GABRB1: variants seen among roughly 807,000 people sequenced by gnomAD.
GABRB1 encodes gamma-aminobutyric acid receptor subunit beta-1.
GABRB1 carries 17 observed loss-of-function variants against 51.6 expected under a neutral mutation model. The ratio of observed to expected loss-of-function variants is 0.33; its 90% CI spans 0.23 to 0.49. GABRB1 has a LOEUF of 0.49. Ranked by LOEUF, GABRB1 falls within the 20% of genes least tolerant of loss-of-function variation. GABRB1 has a pLI of 0.99. For missense variants in GABRB1, 410 were observed against 600.6 expected (o/e 0.68, Z 3.32); for synonymous variants, 247 against 218.9 (o/e 1.13, Z -1.14).
intron 8 of GABRB1, among the ~76,000 whole-genome samples, chr4:47,414,732 A>G (rs957668648): frequency 9.9e-5 from 15 of 152,220 alleles, no homozygotes; most frequent in African/African-American, 3.6e-4. Context: ...TCTCCATGGT[A>G]AGTCACCCAA....
At chr4:47,353,742 C>A (rs1415198162) in intron 5 of GABRB1, among the ~76,000 whole-genome samples, 1 of 152,048 alleles carries the variant, frequency 6.6e-6, no homozygotes, top group Non-Finnish European at 1.5e-5. Context: ...AACAGCAGTC[C>A]CTTATCACCT....
chr4:46,997,042 G>C (rs79901819), intron 1 of GABRB1, among the ~76,000 whole-genome samples: 2 of 151,996 alleles, frequency 1.3e-5, no homozygotes, highest in African/African-American at 4.8e-5. Flanking sequence ...TCTGTCCCTC[G>C]TATTTTGCAT....
intron 4 of GABRB1, among the ~76,000 whole-genome samples, chr4:47,211,654 A>G (rs1720364907): frequency 1.3e-5 from 2 of 152,204 alleles, no homozygotes; most frequent in African/African-American, 4.8e-5. Flanking sequence ...TGTGGCTTAA[A>G]TAACACACAT....
In GABRB1 at chr4:47,200,094, A is replaced by G. The variant is rs150801231; in HGVS notation, c.461+38625A>G. On this transcript the variant is annotated intron_variant, in intron 4 of 8. Coordinates refer to ENST00000295454, the MANE Select transcript of GABRB1 (RefSeq NM_000812.4). ...AAAGGAGTGATCATAATGTCTGAGCATAGAATTGAAGCTGGGCATAGAGGG... is the reference window on the plus strand; with the variant it reads ...AAAGGAGTGATCATAATGTCTGAGCGTAGAATTGAAGCTGGGCATAGAGGG... Among the ~76,000 whole-genome samples, 421 of 152,332 alleles carry G rather than the reference A, an allele frequency of 2.8e-3. 3 individuals are homozygous for G. Among genetic ancestry groups the G allele is most frequent in the African/African-American group, 9.1e-3 (378 of 41,580 alleles).
Position 47,403,472 on chromosome 4 carries a change from C to G in GABRB1, c.682+17C>G. 1 of 1,613,664 alleles carries G rather than the reference C, an allele frequency of 6.2e-7. No individual in the cohort carries two copies. The highest frequency in any genetic ancestry group is 8.5e-7 in the Non-Finnish European group (1 of 1,179,776). ...TCACAACAGGTGAGGTTGTTTCCCC[C>G]AAAATGTACTAGGGGTGCTGTGAAA... On this transcript the variant is annotated intron_variant, in intron 6 of 8. Transcript: ENST00000295454.
intron 3 of GABRB1, among the ~76,000 whole-genome samples, chr4:47,060,564 T>A (rs970435401): frequency 1.3e-5 from 2 of 152,198 alleles, no homozygotes; most frequent in Non-Finnish European, 2.9e-5. Context: ...TGCAGTATGA[T>A]AGAAAGCATA....
chr4:47,143,232 A>G (rs1442567572), intron 3 of GABRB1, among the ~76,000 whole-genome samples: 6 of 151,840 alleles, frequency 4.0e-5, no homozygotes, highest in Admixed American at 6.6e-5. Context: ...GGTATCATCA[A>G]AAAGAATTCC....
chr4:47,290,981 A>G (rs1413776644), intron 4 of GABRB1, among the ~76,000 whole-genome samples: 3 of 152,236 alleles, frequency 2.0e-5, no homozygotes, highest in East Asian at 1.9e-4. Context: ...AGAAATTTGC[A>G]TAAGTAAGGA....
At chr4:47,283,144 A>G (rs1014593476) in intron 4 of GABRB1, among the ~76,000 whole-genome samples, 6 of 152,162 alleles carry the variant, frequency 3.9e-5, no homozygotes, top group Non-Finnish European at 8.8e-5. Context: ...TGGAGAAACT[A>G]TGAGAAAAGG....
At chr4:47,300,074 A>G (rs1054318658) in intron 4 of GABRB1, among the ~76,000 whole-genome samples, 1 of 113,508 alleles carries the variant, frequency 8.8e-6, no homozygotes, top group African/African-American at 3.4e-5. Context: ...GGAACATCAC[A>G]TTCTGGGGAC....
At position 47,115,718 on chromosome 4, in the gene GABRB1, A is replaced by AT. The variant is rs140145070; in HGVS notation, c.241-45530dup. Among the ~76,000 whole-genome samples, 716 of 141,562 alleles carry AT rather than the reference A, an allele frequency of 5.1e-3. 8 individuals carry two copies. The highest frequency in any genetic ancestry group is 0.017 in the African/African-American group (688 of 40,730). 92.9% of individuals were successfully genotyped at this position (141,562 alleles called of 152,430 possible). ...ACTGGTAAAGGCTTTTTCTAACACA[A>AT]TAAGATTTTTAAATAAAACATATGT... On this transcript the variant is annotated intron_variant, in intron 3 of 8. Coordinates refer to ENST00000295454, the MANE Select transcript of GABRB1 (RefSeq NM_000812.4).
intron 4 of GABRB1, among the ~76,000 whole-genome samples, chr4:47,257,006 C>T (rs920425475): frequency 1.3e-5 from 2 of 152,190 alleles, no homozygotes; most frequent in African/African-American, 2.4e-5. Flanking sequence ...CTTGCCACTT[C>T]ATATCCACTC....
intron 5 of GABRB1, among the ~76,000 whole-genome samples, chr4:47,384,385 T>A (rs1727706674): frequency 6.6e-6 from 1 of 151,180 alleles, no homozygotes; most frequent in African/African-American, 2.4e-5. Context: ...TCATCAGAAT[T>A]TCTCAGTGAA....
intron 4 of GABRB1, among the ~76,000 whole-genome samples, chr4:47,306,082 A>T (rs1171904943): frequency 2.0e-5 from 3 of 152,076 alleles, no homozygotes; most frequent in Non-Finnish European, 4.4e-5. Context: ...ATCAAACTGG[A>T]AAGTAACAGA....
intron 8 of GABRB1, among the ~76,000 whole-genome samples, chr4:47,410,818 C>T (rs1026753074): frequency 1.3e-5 from 2 of 152,024 alleles, no homozygotes; most frequent in Non-Finnish European, 2.9e-5. Flanking sequence ...ATTAGGTTTT[C>T]CATAAAAATC....
chr4:47,067,510 CT>C (rs1727140183), intron 3 of GABRB1, among the ~76,000 whole-genome samples: 1 of 152,146 alleles, frequency 6.6e-6, no homozygotes, highest in African/African-American at 2.4e-5. Flanking sequence ...TTAGCTGAAT[CT>C]TCTGGATGAC....
At chr4:47,116,643 G>C (rs1715492240) in intron 3 of GABRB1, among the ~76,000 whole-genome samples, 1 of 152,078 alleles carries the variant, frequency 6.6e-6, no homozygotes, top group African/African-American at 2.4e-5. Context: ...TGGGATTTCT[G>C]ATTAGATACT....
chr4:47,117,025 C>G (rs114855143), intron 3 of GABRB1, among the ~76,000 whole-genome samples: 3 of 152,218 alleles, frequency 2.0e-5, no homozygotes, highest in Non-Finnish European at 2.9e-5. Flanking sequence ...CCAGTCACCA[C>G]CTGCCAGGCC....
At chr4:47,299,377 T>A (rs1366483809) in intron 4 of GABRB1, among the ~76,000 whole-genome samples, 1 of 151,992 alleles carries the variant, frequency 6.6e-6, no homozygotes, top group Non-Finnish European at 1.5e-5. Flanking sequence ...TACGATGAAC[T>A]CAAACAAATT....
Sources: gnomAD v4.1 joint callset for allele counts (sites outside exome capture counted in the v4.1 genomes callset) on GRCh38, gnomAD v4.1.1 for gene constraint, MANE v1.5 for transcripts, NCBI Gene and HGNC (gene_info 2026-07-23, HGNC 2026-07-21) for gene names.